SOX6: variants seen among roughly 807,000 people sequenced by gnomAD.
SOX6 encodes the protein transcription factor SOX-6.
In SOX6, 11 loss-of-function variants were observed where a neutral mutation model predicts 97.8. That is an observed-to-expected ratio of 0.11 (90% CI 0.07 to 0.19). The LOEUF is 0.19. Ranked by LOEUF, SOX6 falls within the 10% of genes least tolerant of loss-of-function variation. The pLI is 1.00. For missense variants in SOX6, 810 were observed against 1,039.5 expected, an observed-to-expected ratio of 0.78 and a Z score of 3.04; for synonymous variants, 360 against 371.4, an observed-to-expected ratio of 0.97 and a Z score of 0.35.
intron 1 of SOX6, among the ~76,000 whole-genome samples, chr11:16,433,296 G>A (rs758506037): frequency 6.6e-6 from 1 of 151,952 alleles, no homozygotes; most frequent in Non-Finnish European, 1.5e-5. Flanking sequence ...AGCCCTTCCA[G>A]AGATTTTTAA....
intron 3 of SOX6, among the ~76,000 whole-genome samples, chr11:16,630,051 T>A (rs1006928709): frequency 3.9e-5 from 6 of 152,138 alleles, no homozygotes; most frequent in African/African-American, 1.4e-4. Context: ...TCTTAGTTTG[T>A]TGATTCTTTG....
At chr11:16,070,356 C>T (rs1197337072) in intron 9 of SOX6, among the ~76,000 whole-genome samples, 1 of 151,948 alleles carries the variant, frequency 6.6e-6, no homozygotes, top group Non-Finnish European at 1.5e-5. Flanking sequence ...ACCAAAGGTC[C>T]TACCCTTACA....
intron 2 of SOX6, among the ~76,000 whole-genome samples, chr11:16,729,687 A>C (rs539035360): frequency 9.2e-5 from 14 of 152,266 alleles, no homozygotes; most frequent in African/African-American, 3.4e-4. Context: ...GGCAAAATAA[A>C]CAGCTAACAT....
intron 1 of SOX6, among the ~76,000 whole-genome samples, chr11:16,412,253 T>C (rs750644369): frequency 7.9e-5 from 12 of 152,224 alleles, no homozygotes; most frequent in Non-Finnish European, 1.6e-4. Context: ...CTGTAACACA[T>C]TTCATCATAA....
At chr11:16,149,524 A>G (rs1850405177) in intron 6 of SOX6, among the ~76,000 whole-genome samples, 1 of 152,168 alleles carries the variant, frequency 6.6e-6, no homozygotes, top group Non-Finnish European at 1.5e-5. Context: ...TTCCTATTTC[A>G]TCTTCCTTTC....
At chr11:16,466,055 A>C (rs1248748530) in intron 1 of SOX6, among the ~76,000 whole-genome samples, 2 of 152,184 alleles carry the variant, frequency 1.3e-5, no homozygotes, top group Non-Finnish European at 2.9e-5. Flanking sequence ...CTCTTTTGCC[A>C]GTTATCTATA....
intron 4 of SOX6, among the ~76,000 whole-genome samples, chr11:16,511,495 C>A (rs1267447127): frequency 1.3e-5 from 2 of 152,036 alleles, no homozygotes; most frequent in Non-Finnish European, 2.9e-5. Context: ...TATTCCCAGG[C>A]TTTACCTGTT....
chr11:16,070,101 G>A (rs1590175244), intron 9 of SOX6, among the ~76,000 whole-genome samples: 1 of 152,174 alleles, frequency 6.6e-6, no homozygotes, highest in African/African-American at 2.4e-5. Context: ...CTTGCAGTGT[G>A]CCGAGATTGC....
intron 6 of SOX6, among the ~76,000 whole-genome samples, chr11:16,139,047 G>A (rs1257869076): frequency 2.6e-5 from 4 of 152,084 alleles, no homozygotes; most frequent in Non-Finnish European, 5.9e-5. Flanking sequence ...ATTAGATTCA[G>A]GTAATACATT....
Position 15,980,746 on chromosome 11 carries a change from G to C in SOX6, c.2183+5458C>G, listed in dbSNP as rs143187045. Among the ~76,000 whole-genome samples the C allele has an allele frequency of 5.3e-5, 8 of 152,100 alleles. No individual in the cohort carries two copies. The East Asian group carries it at 1.6e-3, about 29-fold the overall frequency. On this transcript the variant is annotated intron_variant, in intron 15 of 15. Coordinates refer to ENST00000683767, the MANE Select transcript of SOX6 (RefSeq NM_001367873.1). ...CCCAAACTTCAAGTCCCTTCCTCAAGAATGTCCCATGCTTGGCCATAATGC... is the reference window on the plus strand; with the variant it reads ...CCCAAACTTCAAGTCCCTTCCTCAACAATGTCCCATGCTTGGCCATAATGC...
intron 4 of SOX6, among the ~76,000 whole-genome samples, chr11:16,585,837 C>T (rs1848086411): frequency 6.6e-6 from 1 of 151,900 alleles, no homozygotes; most frequent in Non-Finnish European, 1.5e-5. Context: ...CACATGCCAC[C>T]ACACCTGGCT....
chr11:16,075,668 T>C (rs1848336369), intron 9 of SOX6, among the ~76,000 whole-genome samples: 1 of 151,898 alleles, frequency 6.6e-6, no homozygotes, highest in Non-Finnish European at 1.5e-5. Context: ...GAGTGGGGGC[T>C]GGGGGAGGGA....
At chr11:16,073,966 C>T (rs1214760098) in intron 9 of SOX6, among the ~76,000 whole-genome samples, 1 of 152,074 alleles carries the variant, frequency 6.6e-6, no homozygotes, top group Non-Finnish European at 1.5e-5. Context: ...GTTTATAGTG[C>T]TAAATGCCCA....
At chr11:16,228,174 G>A (rs2134166867) in intron 4 of SOX6, among the ~76,000 whole-genome samples, 1 of 149,132 alleles carries the variant, frequency 6.7e-6, no homozygotes, top group Non-Finnish European at 1.5e-5. Context: ...CTCCTGCCTA[G>A]GCGACAGAAC....
intron 4 of SOX6, among the ~76,000 whole-genome samples, chr11:16,191,217 G>A (rs965216550): frequency 5.9e-5 from 9 of 152,154 alleles, no homozygotes; most frequent in African/African-American, 2.2e-4. Context: ...CACTTTGAGA[G>A]GCCGAGGTGG....
chr11:16,556,985 T>C (rs1847755817), intron 4 of SOX6, among the ~76,000 whole-genome samples: 1 of 151,780 alleles, frequency 6.6e-6, no homozygotes. Flanking sequence ...GTTTCCTTTT[T>C]CAATGTCAGT....
At chr11:16,696,746 T>C (rs914730830) in intron 3 of SOX6, among the ~76,000 whole-genome samples, 1 of 152,214 alleles carries the variant, frequency 6.6e-6, no homozygotes, top group Admixed American at 6.5e-5. Flanking sequence ...TGTTGATGGC[T>C]GCTGACTGAT....
In SOX6 at chr11:16,673,505, A is replaced by G. The variant is rs78497265; in HGVS notation, n.429+41325T>C. On this transcript the variant is annotated intron_variant and non_coding_transcript_variant, in intron 3 of 5. Coordinates refer to the SOX6 transcript ENST00000524520. ...ATGTATGCCAATAAATTGAAACACC[A>G]AAAGAAATAAATAAATTCCTAGACA... Among the ~76,000 whole-genome samples, 1,157 of 152,318 alleles carry G rather than the reference A, an allele frequency of 7.6e-3. 11 individuals are homozygous for G. Among genetic ancestry groups the G allele is most frequent in the African/African-American group, 0.027 (1,120 of 41,560 alleles).
intron 4 of SOX6, among the ~76,000 whole-genome samples, chr11:16,201,826 G>A (rs1851949152): frequency 7.3e-6 from 1 of 137,146 alleles, no homozygotes; most frequent in Non-Finnish European, 1.5e-5. Flanking sequence ...GTAGAGACGG[G>A]GTTTCACCGT....
Sources: gnomAD v4.1 joint callset for allele counts (sites outside exome capture counted in the v4.1 genomes callset) on GRCh38, gnomAD v4.1.1 for gene constraint, MANE v1.5 for transcripts, NCBI Gene and HGNC (gene_info 2026-07-23, HGNC 2026-07-21) for gene names.